CD200R1: variants seen among roughly 807,000 people sequenced by gnomAD.
CD200R1 encodes the protein CD200 receptor 1, also known as cell surface glycoprotein CD200 receptor 1.
In CD200R1, 30 loss-of-function variants were observed where a neutral mutation model predicts 38.1. The ratio of observed to expected loss-of-function variants is 0.79; its 90% CI spans 0.59 to 1.07. The LOEUF is 1.07. CD200R1 is among the 50% of genes least tolerant of loss of function. The pLI is 0.00. For synonymous variants in CD200R1, 128 were observed against 152.1 expected, an observed-to-expected ratio of 0.84 and a Z score of 1.16; for missense variants, 372 against 415.4, an observed-to-expected ratio of 0.90 and a Z score of 0.91.
At chr3:112,947,992 A>C (rs1940901534) in intron 1 of CD200R1, 68 bp from the exon 2 acceptor site, 2 of 973,190 alleles carry the variant, frequency 2.1e-6, no homozygotes, top group South Asian at 2.6e-5. Flanking sequence ...CTCCTAGTTA[A>C]AATCATATTT....
chr3:112,971,771 A>G (rs1009668444), intron 1 of CD200R1, among the ~76,000 whole-genome samples: 2 of 152,126 alleles, frequency 1.3e-5, no homozygotes, highest in African/African-American at 4.8e-5. Context: ...CTATTATTTA[A>G]CACACAACCT....
At chr3:112,927,977 G>A (rs1464021381) in intron 5 of CD200R1, among the ~76,000 whole-genome samples, 3 of 152,090 alleles carry the variant, frequency 2.0e-5, no homozygotes, top group Non-Finnish European at 4.4e-5. Flanking sequence ...TCAAATTGAT[G>A]GGAACATAGG....
At chr3:112,934,753 C>T (rs147636661) in intron 2 of CD200R1, among the ~76,000 whole-genome samples, 92 of 152,180 alleles carry the variant, frequency 6.0e-4, no homozygotes, top group Middle Eastern at 3.4e-3. Flanking sequence ...TTGCTTGAAC[C>T]GGGGAAGCAG....
intron 1 of CD200R1, among the ~76,000 whole-genome samples, chr3:112,974,174 GC>G (rs1451295582): frequency 2.0e-5 from 3 of 152,168 alleles, no homozygotes; most frequent in African/African-American, 7.2e-5. Context: ...AGTGGCTCAT[GC>G]CTGTAATCCC....
intron 7 of CD200R1, among the ~76,000 whole-genome samples, chr3:112,924,241 G>A (rs1348333096): frequency 4.6e-5 from 7 of 151,942 alleles, no homozygotes; most frequent in Non-Finnish European, 8.8e-5. Flanking sequence ...AAAGATTACA[G>A]TCTAAAGGAG....
intron 1 of CD200R1, among the ~76,000 whole-genome samples, chr3:112,965,408 T>C (rs1933130508): frequency 6.6e-6 from 1 of 152,182 alleles, no homozygotes. Context: ...GTTTCATCCT[T>C]TCATGTTAAA....
At chr3:112,952,487 G>A (rs1388520524) in intron 1 of CD200R1, among the ~76,000 whole-genome samples, 3 of 152,060 alleles carry the variant, frequency 2.0e-5, no homozygotes, top group African/African-American at 7.2e-5. Flanking sequence ...TCCTTTGCAG[G>A]GACATGGATG....
intron 1 of CD200R1, among the ~76,000 whole-genome samples, chr3:112,957,216 G>A (rs905726107): frequency 2.0e-4 from 31 of 152,190 alleles, no homozygotes; most frequent in African/African-American, 7.0e-4. Context: ...TTATAACTAG[G>A]CACTGTGTTC....
At position 112,941,071 on chromosome 3, in the gene CD200R1, G is replaced by T. The variant is rs1011110864; in HGVS notation, c.136+6785C>A. 1.4e-4 allele frequency among the ~76,000 whole-genome samples: 21 copies of T among 151,688 alleles called. 1 individual carries two copies. Among genetic ancestry groups the T allele is most frequent in the Non-Finnish European group, 4.4e-5 (3 of 67,700 alleles). ...AAGAACAAAAAGCCAAACATCACAT[G>T]TTCTCATTCTATGCAGAAGTTTAAA... On this transcript the variant is annotated intron_variant, in intron 2 of 7. Coordinates refer to ENST00000308611, the MANE Select transcript of CD200R1 (RefSeq NM_138806.4).
rs1170379781 is a variant in CD200R1 at position 112,925,127 on chromosome 3, G to A, written c.836C>T (p.Thr279Ile). 3 of 1,608,186 alleles carry A rather than the reference G, an allele frequency of 1.9e-6. No individual in the cohort carries two copies. The highest frequency in any genetic ancestry group is 2.2e-5 in the South Asian group (2 of 90,698). ...CAACAACCAAATGAATCCCACGATG[G>A]TCAAAATAATAATAGTAAGGATGAT... ...PYIILTIIILTIVGFIWLLKV... is the reference protein window; with the variant it reads ...PYIILTIIILIIVGFIWLLKV... Residue 279 changes from threonine (T) to isoleucine (I), a missense_variant, in exon 6 of 8, where the codon ACC becomes ATC. Thr to Ile is a moderately conservative substitution (Grantham distance 89). Coordinates refer to ENST00000308611, the MANE Select transcript of CD200R1 (RefSeq NM_138806.4).
At chr3:112,931,005 T>C (rs1940419228) in intron 3 of CD200R1, 101 bp downstream of exon 3, 2 of 790,970 alleles carry the variant, frequency 2.5e-6, no homozygotes, top group African/African-American at 1.7e-5. Flanking sequence ...GTTCTTCAAG[T>C]AGTCATAAGG....
intron 1 of CD200R1, among the ~76,000 whole-genome samples, chr3:112,963,678 T>G (rs1195560680): frequency 2.0e-5 from 3 of 152,074 alleles, no homozygotes; most frequent in Non-Finnish European, 4.4e-5. Context: ...GCACAAAAGT[T>G]GATAAAATTT....
At chr3:112,935,431 G>A (rs1015832655) in intron 2 of CD200R1, among the ~76,000 whole-genome samples, 2 of 151,990 alleles carry the variant, frequency 1.3e-5, no homozygotes, top group African/African-American at 4.8e-5. Flanking sequence ...ATAACAAGAG[G>A]AACATTTGAA....
chr3:112,925,010 C>T lies in CD200R1; in HGVS notation c.878+75G>A, dbSNP rs919383937. 6.0e-5 allele frequency: 51 copies of T among 847,986 alleles called. No individual in the cohort carries two copies. In the Admixed American group the frequency reaches 7.2e-4, roughly 12 times the overall value. The allele number at this position is 847,986 out of a possible 1,614,324, so 52.5% of individuals were successfully genotyped here. A position where few individuals can be genotyped will look rare whatever the true frequency, so the allele number is the denominator to read the frequency against. The stretch of plus-strand genomic sequence containing the variant: ...TGTTAACATCCTAATATACCCAATA[C>T]GGTCAGTTCCATATTTCTGACTCTT... On this transcript the variant is annotated intron_variant, in intron 6 of 7. Transcript: ENST00000308611.
chr3:112,926,364 T>C (rs1019045924), intron 5 of CD200R1, among the ~76,000 whole-genome samples: 1 of 152,166 alleles, frequency 6.6e-6, no homozygotes, highest in African/African-American at 2.4e-5. Flanking sequence ...AAATACTGAA[T>C]TTCTCCATAT....
rs1010354420 is a variant in CD200R1, at chr3:112,928,823, T to G, written c.762A>C (p.Leu254=). The change falls in exon 5 of 8, where the codon CTA becomes CTC. Residue 254 remains leucine, a synonymous_variant. Coordinates refer to ENST00000308611, the MANE Select transcript of CD200R1 (RefSeq NM_138806.4). ...ACTAAAAGAATTACTGACCAGGAAG[T>G]AGCTCTATGTACAGACTCTTGTTGC... ...LTGNKSLYIE[L]LPVPGAKKSA... The G allele has an allele frequency of 1.9e-6, 3 of 1,609,132 alleles. No homozygotes were observed. The highest frequency in any genetic ancestry group is 2.5e-6 in the Non-Finnish European group (3 of 1,177,030).
intron 1 of CD200R1, among the ~76,000 whole-genome samples, chr3:112,974,032 T>G (rs1001782303): frequency 6.6e-6 from 1 of 152,152 alleles, no homozygotes; most frequent in African/African-American, 2.4e-5. Context: ...ATATTATATT[T>G]TTGAAGTGCC....
At chr3:112,969,225 T>C (rs1933239892) in intron 1 of CD200R1, among the ~76,000 whole-genome samples, 1 of 151,540 alleles carries the variant, frequency 6.6e-6, no homozygotes, top group African/African-American at 2.4e-5. Context: ...AGAAAGGAAA[T>C]TGTAATTGTC....
At position 112,929,330 on chromosome 3, in the gene CD200R1, C is replaced by T. The variant is rs779361551; in HGVS notation, c.380G>A (p.Arg127Lys). ...ATCAGGTCTGGAGACCCAGGTTATT[C>T]TCTCATCAGTACAGTTGGTTTCCTT... ...ETKETNCTDE[R>K]ITWVSRPDQN... is the part of the protein sequence containing the mutation. The change falls in exon 4 of 8, where the codon AGA (arginine) becomes AAA (lysine). Residue 127 changes from arginine to lysine, a missense_variant. By Grantham distance (26) the Arg-to-Lys change is conservative (BLOSUM62 2). Transcript: ENST00000308611. 3 of 1,614,114 alleles carry T rather than the reference C, an allele frequency of 1.9e-6. No homozygotes were observed. Among genetic ancestry groups the T allele is most frequent in the East Asian group, 4.5e-5 (2 of 44,886 alleles).
Sources: gnomAD v4.1 joint callset for allele counts (sites outside exome capture counted in the v4.1 genomes callset) on GRCh38, gnomAD v4.1.1 for gene constraint, MANE v1.5 for transcripts, NCBI Gene and HGNC (gene_info 2026-07-23, HGNC 2026-07-21) for gene names.